The following FBXL7 variants were observed in gnomAD, a reference collection of about 807,000 sequenced individuals.
The protein encoded by FBXL7 is F-box and leucine rich repeat protein 7, also known as F-box/LRR-repeat protein 7.
In FBXL7, 12 loss-of-function variants were observed where a neutral mutation model predicts 38.3. That is an observed-to-expected ratio of 0.31 (90% CI 0.20 to 0.51). FBXL7 has a LOEUF of 0.51. FBXL7 is among the 20% of genes least tolerant of loss of function. The pLI is 0.98. For missense variants in FBXL7, 567 were observed against 676.4 expected (o/e 0.84, Z 1.79); for synonymous variants, 297 against 300.9 (o/e 0.99, Z 0.13).
At chr5:15,615,899 T>C (rs755456105) in intron 1 of FBXL7, 84 bp from the exon 2 acceptor site, 6 of 813,036 alleles carry the variant, frequency 7.4e-6, no homozygotes, top group African/African-American at 1.7e-5. Flanking sequence ...ACTGGTGATA[T>C]GGCTTGCTGT....
At chr5:15,866,921 C>G (rs572597910) in intron 2 of FBXL7, among the ~76,000 whole-genome samples, 2 of 152,086 alleles carry the variant, frequency 1.3e-5, no homozygotes, top group African/African-American at 4.8e-5. Context: ...ATGCCCATCA[C>G]TTATATGGAA....
chr5:15,788,854 ATT>A (rs796860907), intron 2 of FBXL7, among the ~76,000 whole-genome samples: 84 of 132,278 alleles, frequency 6.4e-4, no homozygotes, highest in East Asian at 2.4e-3. Flanking sequence ...TAAGTTTTGT[ATT>A]TTTTTTTTTT....
At chr5:15,696,804 C>T (rs572111746) in intron 2 of FBXL7, among the ~76,000 whole-genome samples, 1 of 152,300 alleles carries the variant, frequency 6.6e-6, no homozygotes, top group African/African-American at 2.4e-5. Context: ...TCCCTGGAAC[C>T]TCATCATTGT....
At chr5:15,658,335 G>T (rs1388346811) in intron 2 of FBXL7, among the ~76,000 whole-genome samples, 3 of 152,136 alleles carry the variant, frequency 2.0e-5, no homozygotes, top group Non-Finnish European at 4.4e-5. Context: ...ATATGGTTTG[G>T]CTGTGTCCCC....
At chr5:15,541,050 A>G (rs1054864790) in intron 1 of FBXL7, among the ~76,000 whole-genome samples, 2 of 149,136 alleles carry the variant, frequency 1.3e-5, no homozygotes, top group Admixed American at 6.7e-5. Flanking sequence ...ATGTGTCGGA[A>G]TGTGTGTGTG....
intron 1 of FBXL7, among the ~76,000 whole-genome samples, chr5:15,567,662 C>T (rs180988013): frequency 6.0e-4 from 91 of 151,806 alleles, no homozygotes; most frequent in African/African-American, 1.8e-3. Flanking sequence ...TAGTTACATA[C>T]GTATACATGT....
At chr5:15,792,636 C>T (rs1005264033) in intron 2 of FBXL7, among the ~76,000 whole-genome samples, 1 of 152,104 alleles carries the variant, frequency 6.6e-6, no homozygotes, top group African/African-American at 2.4e-5. Context: ...GGACAGAAGG[C>T]GTCCGGCTTT....
At chr5:15,742,508 A>G (rs1272054838) in intron 2 of FBXL7, among the ~76,000 whole-genome samples, 1 of 152,126 alleles carries the variant, frequency 6.6e-6, no homozygotes, top group Non-Finnish European at 1.5e-5. Context: ...GCATTCAGTA[A>G]ACCTGTAAAA....
At chr5:15,736,784 G>T (rs1735761809) in intron 2 of FBXL7, among the ~76,000 whole-genome samples, 1 of 152,146 alleles carries the variant, frequency 6.6e-6, no homozygotes, top group Admixed American at 6.5e-5. Context: ...GCAGGAGGAG[G>T]CCACTTGATA....
intron 1 of FBXL7, among the ~76,000 whole-genome samples, chr5:15,516,845 T>C (rs1373007810): frequency 1.3e-5 from 2 of 152,050 alleles, no homozygotes; most frequent in African/African-American, 4.8e-5. Flanking sequence ...GAAGGACGCA[T>C]TTGCTTCCCC....
chr5:15,863,513 C>T (rs932302821), intron 2 of FBXL7, among the ~76,000 whole-genome samples: 2 of 152,172 alleles, frequency 1.3e-5, no homozygotes, highest in Non-Finnish European at 2.9e-5. Context: ...GTCGATGTGA[C>T]CTCACATTGG....
chr5:15,559,825 A>T (rs556673170), intron 1 of FBXL7, among the ~76,000 whole-genome samples: 2 of 152,220 alleles, frequency 1.3e-5, no homozygotes, highest in Non-Finnish European at 2.9e-5. Flanking sequence ...TCAGTACTGA[A>T]TAGTGTAATG....
At chr5:15,542,986 GA>G (rs1221383845) in intron 1 of FBXL7, among the ~76,000 whole-genome samples, 4 of 152,256 alleles carry the variant, frequency 2.6e-5, no homozygotes, top group Non-Finnish European at 1.5e-5. Flanking sequence ...ATGCTGAAAG[GA>G]AATTTAAGGT....
chr5:15,649,532 G>A (rs1032926053), intron 2 of FBXL7, among the ~76,000 whole-genome samples: 3 of 152,120 alleles, frequency 2.0e-5, no homozygotes, highest in South Asian at 2.1e-4. Flanking sequence ...AGAGGCCACC[G>A]TCTTGTGGCA....
At chr5:15,624,869 GTTT>G (rs548586309) in intron 2 of FBXL7, among the ~76,000 whole-genome samples, 1 of 135,966 alleles carries the variant, frequency 7.4e-6, no homozygotes. Context: ...GTACATGTTT[GTTT>G]TTTTTTTTTT....
chr5:15,801,624 A>C (rs1737565777), intron 2 of FBXL7, among the ~76,000 whole-genome samples: 1 of 145,580 alleles, frequency 6.9e-6, no homozygotes, highest in African/African-American at 2.7e-5. Flanking sequence ...TATTCATTGA[A>C]GGGGGAGTCA....
At chr5:15,672,712 A>G (rs926967781) in intron 2 of FBXL7, among the ~76,000 whole-genome samples, 2 of 151,752 alleles carry the variant, frequency 1.3e-5, no homozygotes, top group African/African-American at 2.4e-5. Flanking sequence ...ATGCCATCAC[A>G]TCTGGCTAAT....
Position 15,516,601 on chromosome 5 carries a change from T to C in FBXL7, c.37+15888T>C, listed in dbSNP as rs145839006. Among the ~76,000 whole-genome samples, 508 of 152,306 alleles carry C rather than the reference T, an allele frequency of 3.3e-3. 2 individuals are homozygous for C. Among genetic ancestry groups the C allele is most frequent in the African/African-American group, 0.011 (445 of 41,560 alleles). On this transcript the variant is annotated intron_variant, in intron 1 of 3. Coordinates refer to ENST00000504595, the MANE Select transcript of FBXL7 (RefSeq NM_012304.5). ...ATCCCCACCCAAATCTCAACTTGAA[T>C]TGTAGTTCCCATAATTCTCCCACAT...
intron 2 of FBXL7, among the ~76,000 whole-genome samples, chr5:15,706,862 T>C (rs4505949): frequency 0.55 from 84,153 of 151,682 alleles, 23,477 homozygotes; most frequent in East Asian, 0.68. Context: ...GGTGGGCAGG[T>C]TGTCTTTGAG....
Sources: allele counts gnomAD v4.1 joint callset (sites outside exome capture counted in the v4.1 genomes callset), GRCh38; gene constraint gnomAD v4.1.1; transcripts MANE v1.5; gene names NCBI Gene and HGNC (gene_info 2026-07-23, HGNC 2026-07-21).